Variants in PIBF1 observed in about 807,000 individuals in gnomAD.
PIBF1 encodes progesterone immunomodulatory binding factor 1, also known as progesterone-induced-blocking factor 1.
A neutral mutation model predicts 112.5 loss-of-function variants in PIBF1; 90 were observed. The observed-to-expected ratio is 0.80, with a 90% CI of 0.67 to 0.95. The LOEUF is 0.95. PIBF1 is among the 40% of genes least tolerant of loss of function. PIBF1 has a pLI of 0.00. For synonymous variants in PIBF1, 301 were observed against 288.6 expected (o/e 1.04, Z -0.44); for missense variants, 915 against 852.3 (o/e 1.07, Z -0.92).
chr13:72,948,179 CA>C (rs1459996057), intron 14 of PIBF1, among the ~76,000 whole-genome samples: 2 of 151,940 alleles, frequency 1.3e-5, no homozygotes, highest in African/African-American at 4.8e-5. Context: ...ACCTGTGTAA[CA>C]AACCTGCACG....
intron 16 of PIBF1, among the ~76,000 whole-genome samples, chr13:72,979,490 G>A (rs962005462): frequency 1.3e-5 from 2 of 152,160 alleles, no homozygotes; most frequent in African/African-American, 4.8e-5. Context: ...TTTTCTCATG[G>A]CTCTTGGAGC....
rs763324526 is a variant in PIBF1 at position 72,821,901 on chromosome 13, G to T, written c.725G>T (p.Arg242Leu). The T allele has an allele frequency of 6.2e-7, 1 of 1,612,790 alleles. No homozygotes were observed. Among genetic ancestry groups the T allele is most frequent in the Non-Finnish European group, 8.5e-7 (1 of 1,179,170 alleles). Residue 242 changes from arginine to leucine, a missense_variant, in exon 6 of 18, where the codon CGT becomes CTT. By Grantham distance (102) the Arg-to-Leu change is moderately radical. Transcript: ENST00000326291. ...NYSEVQIRCQ[R>L]LALELADTKQ... ...TCTGAAGTTCAAATTAGATGTCAAC[G>T]TTTGGCCTTAGAATTAGCAGACACA...
At chr13:72,803,392 T>C (rs2035579575) in intron 5 of PIBF1, among the ~76,000 whole-genome samples, 1 of 152,184 alleles carries the variant, frequency 6.6e-6, no homozygotes, top group African/African-American at 2.4e-5. Context: ...GTGTAGGTAG[T>C]ACTGTTGGAT....
chr13:72,956,403 A>G (rs1242948308), intron 14 of PIBF1, among the ~76,000 whole-genome samples: 3 of 152,088 alleles, frequency 2.0e-5, no homozygotes, highest in Non-Finnish European at 4.4e-5. Flanking sequence ...ACATGGGGGA[A>G]GTGGTATTGG....
chr13:72,819,099 T>A (rs560647710), intron 5 of PIBF1, among the ~76,000 whole-genome samples: 2 of 152,134 alleles, frequency 1.3e-5, no homozygotes, highest in Non-Finnish European at 2.9e-5. Flanking sequence ...GTGTTTATAA[T>A]GGAAAGAGTC....
At chr13:72,885,365 C>T (rs2039806127) in intron 10 of PIBF1, among the ~76,000 whole-genome samples, 1 of 151,846 alleles carries the variant, frequency 6.6e-6, no homozygotes, top group South Asian at 2.1e-4. Flanking sequence ...AAGAGACTGC[C>T]CCTCATCAAA....
intron 8 of PIBF1, among the ~76,000 whole-genome samples, chr13:72,830,339 T>C (rs2037043700): frequency 6.6e-6 from 1 of 152,184 alleles, no homozygotes; most frequent in East Asian, 1.9e-4. Flanking sequence ...AGAGAGGGCA[T>C]CCTTGTCTTG....
chr13:72,903,267 T>G (rs1229196483), intron 11 of PIBF1, among the ~76,000 whole-genome samples: 1 of 151,888 alleles, frequency 6.6e-6, no homozygotes, highest in Non-Finnish European at 1.5e-5. Context: ...ATCTTCATTC[T>G]CCCCCCCTAG....
At chr13:72,935,489 A>T (rs1010124650) in intron 14 of PIBF1, among the ~76,000 whole-genome samples, 17 of 152,332 alleles carry the variant, frequency 1.1e-4, no homozygotes, top group African/African-American at 3.6e-4. Context: ...TTTCTGAATA[A>T]AGCTCAGATG....
intron 5 of PIBF1, among the ~76,000 whole-genome samples, chr13:72,819,428 T>A (rs1055880553): frequency 1.3e-5 from 2 of 152,078 alleles, no homozygotes; most frequent in African/African-American, 4.8e-5. Context: ...TTCTCACCAA[T>A]ATTTGAATAT....
chr13:72,847,070 A>T (rs2037909228), intron 9 of PIBF1, among the ~76,000 whole-genome samples: 2 of 152,230 alleles, frequency 1.3e-5, no homozygotes, highest in Admixed American at 6.5e-5. Context: ...CATCTACCAG[A>T]TTCATTCTGT....
At chr13:72,927,946 TATATATATATATACAC>T (rs1481044806) in intron 13 of PIBF1, among the ~76,000 whole-genome samples, 3 of 56,674 alleles carry the variant, frequency 5.3e-5, no homozygotes, top group African/African-American at 3.5e-4. Context: ...TATATGTGTG[TATATATATATATACAC>T]ATATATATAT....
intron 14 of PIBF1, among the ~76,000 whole-genome samples, chr13:72,948,673 T>C (rs1218790449): frequency 6.6e-6 from 1 of 152,158 alleles, no homozygotes; most frequent in East Asian, 1.9e-4. Flanking sequence ...CTGCTATCTA[T>C]AAAAGAAAGA....
chr13:72,835,369 G>GT lies in PIBF1; in HGVS notation c.1223+2dup, dbSNP rs1485225315. 6.6e-7 allele frequency: 1 copy of GT among 1,524,476 alleles called. No homozygotes were observed. Among genetic ancestry groups the GT allele is most frequent in the Non-Finnish European group, 8.7e-7 (1 of 1,143,068 alleles). 94.4% of individuals were successfully genotyped at this position (1,524,476 alleles called of 1,614,324 possible). ...GGGAAATGTATGAACGAGAAAACAG[G>GT]TAAAAAAAAAAAAATGCTTGTATGG... On this transcript the variant is annotated splice_donor_variant, in intron 9 of 17. Coordinates refer to ENST00000326291, the MANE Select transcript of PIBF1 (RefSeq NM_006346.4). LOFTEE classifies it high-confidence loss of function.
chr13:72,861,664 C>T (rs1594074788), intron 10 of PIBF1, among the ~76,000 whole-genome samples: 1 of 152,234 alleles, frequency 6.6e-6, no homozygotes, highest in East Asian at 1.9e-4. Context: ...TCCCAGAGTT[C>T]AAGCAGTTCT....
chr13:72,854,877 A>G (rs1219921555), intron 10 of PIBF1, among the ~76,000 whole-genome samples: 1 of 151,968 alleles, frequency 6.6e-6, no homozygotes. Flanking sequence ...AGGATATCAG[A>G]GAGAATGATA....
intron 17 of PIBF1, among the ~76,000 whole-genome samples, chr13:73,010,871 G>T: frequency 1.0e-5 from 1 of 99,506 alleles, no homozygotes; most frequent in Middle Eastern, 6.8e-3. Flanking sequence ...TTGTTGTCCA[G>T]GGTGGAGTGC....
At chr13:72,873,938 T>C (rs2039284141) in intron 10 of PIBF1, among the ~76,000 whole-genome samples, 1 of 152,178 alleles carries the variant, frequency 6.6e-6, no homozygotes, top group East Asian at 1.9e-4. Context: ...CCAAAGGATT[T>C]GAACAGCCAC....
intron 3 of PIBF1, among the ~76,000 whole-genome samples, chr13:72,792,853 A>T (rs993048298): frequency 9.8e-5 from 15 of 152,332 alleles, no homozygotes; most frequent in East Asian, 5.8e-4. Context: ...ATTGATTCTC[A>T]TGACCCATTG....
Sources: allele counts gnomAD v4.1 joint callset (sites outside exome capture counted in the v4.1 genomes callset), GRCh38; gene constraint gnomAD v4.1.1; transcripts MANE v1.5; gene names NCBI Gene and HGNC (gene_info 2026-07-23, HGNC 2026-07-21).